DPY19L1: variants seen among roughly 807,000 people sequenced by gnomAD.
DPY19L1 encodes protein C-mannosyl-transferase DPY19L1.
In DPY19L1, 35 loss-of-function variants were observed where a neutral mutation model predicts 96.9. The ratio of observed to expected loss-of-function variants is 0.36; its 90% CI spans 0.28 to 0.48. The LOEUF is 0.48. Ranked by LOEUF, DPY19L1 falls within the 20% of genes least tolerant of loss-of-function variation. DPY19L1 has a pLI of 0.99. For synonymous variants in DPY19L1, 205 were observed against 252.6 expected, an observed-to-expected ratio of 0.81 and a Z score of 1.79; for missense variants, 521 against 777.9, an observed-to-expected ratio of 0.67 and a Z score of 3.93.
chr7:35,008,551 G>T (rs1785621410), intron 6 of DPY19L1, among the ~76,000 whole-genome samples: 1 of 152,192 alleles, frequency 6.6e-6, no homozygotes. Flanking sequence ...AAAGTAGCCA[G>T]GCATGGTGGC....
intron 13 of DPY19L1, among the ~76,000 whole-genome samples, chr7:34,953,674 C>T (rs1628197): frequency 0.48 from 73,612 of 151,854 alleles, 18,342 homozygotes; most frequent in Admixed American, 0.63. Flanking sequence ...GTATCTCTAG[C>T]ATACTTTCCA....
chr7:34,963,672 G>T (rs1784550603), intron 10 of DPY19L1, among the ~76,000 whole-genome samples: 1 of 149,216 alleles, frequency 6.7e-6, no homozygotes. Context: ...AGTATCCATG[G>T]ACAGATTGAA....
At chr7:34,939,974 C>A (rs529278011) in intron 19 of DPY19L1, among the ~76,000 whole-genome samples, 179 bp downstream of exon 19, 13 of 152,228 alleles carry the variant, frequency 8.5e-5, no homozygotes, top group African/African-American at 2.4e-4. Context: ...AACATTTCCC[C>A]TGCAAACCAT....
At chr7:34,959,513 A>T (rs1584218745) in intron 10 of DPY19L1, among the ~76,000 whole-genome samples, 1 of 152,318 alleles carries the variant, frequency 6.6e-6, no homozygotes, top group African/African-American at 2.4e-5. Flanking sequence ...GCACATATAC[A>T]CCATGGAATA....
intron 13 of DPY19L1, among the ~76,000 whole-genome samples, chr7:34,951,767 C>T (rs1784271534): frequency 6.6e-6 from 1 of 151,538 alleles, no homozygotes; most frequent in Non-Finnish European, 1.5e-5. Context: ...AAACAATAGA[C>T]CTCTAGAGCA....
intron 1 of DPY19L1, among the ~76,000 whole-genome samples, chr7:35,035,907 T>TA (rs61261735): frequency 0.21 from 29,109 of 140,912 alleles, 3,050 homozygotes; most frequent in Admixed American, 0.36. Context: ...GCTACTGAGA[T>TA]AAAAAAAAAG....
intron 7 of DPY19L1, among the ~76,000 whole-genome samples, chr7:34,989,665 A>G (rs1465910887): frequency 2.0e-5 from 3 of 151,948 alleles, no homozygotes; most frequent in Non-Finnish European, 4.4e-5. Flanking sequence ...AACAGAATTG[A>G]TACAGTTGAT....
intron 6 of DPY19L1, among the ~76,000 whole-genome samples, chr7:35,000,184 C>G (rs909458275): frequency 6.6e-6 from 1 of 152,150 alleles, no homozygotes; most frequent in Non-Finnish European, 1.5e-5. Context: ...CCAAAAAATA[C>G]TTCTAAGGAA....
At chr7:34,940,451 C>T in intron 18 of DPY19L1, 124 bp from the exon 19 acceptor site, 1 of 736,280 alleles carries the variant, frequency 1.4e-6, no homozygotes. Flanking sequence ...ATTAATTATC[C>T]TAAAGAAAAA....
At position 34,939,314 on chromosome 7, in the gene DPY19L1, G is replaced by A. The variant is rs377307859; in HGVS notation, c.1926C>T (p.Pro642=). Reference sequence around the variant, plus strand: ...CTTCATAATGTGGATGATTCACAATGGGCCGAAGTGCAGAGAGCTTAACAC... The same window carrying A: ...CTTCATAATGTGGATGATTCACAATAGGCCGAAGTGCAGAGAGCTTAACAC... ...MASVKLSALR[P]IVNHPHYEDA... is the part of the protein sequence containing the mutation. Residue 642 remains proline, a synonymous_variant, in exon 20 of 22, where the codon CCC becomes CCT. Transcript: ENST00000638088. 18 of 1,613,726 alleles carry A rather than the reference G, an allele frequency of 1.1e-5. No individual in the cohort carries two copies. In the African/African-American group the frequency reaches 1.9e-4, roughly 17 times the overall value.
chr7:34,967,231 T>C (rs1584225137), intron 9 of DPY19L1, among the ~76,000 whole-genome samples: 1 of 152,208 alleles, frequency 6.6e-6, no homozygotes, highest in East Asian at 1.9e-4. Flanking sequence ...AATACTCATT[T>C]TAACTTCAGG....
At position 35,017,938 on chromosome 7, in the gene DPY19L1, G is replaced by A. The variant is rs767708781; in HGVS notation, c.355C>T (p.Arg119Cys). ...AATGTTGAGAGGTGAGAAAAATGAC[G>A]GTCATTTTCAAAGAGGTGTGTTATA... The part of the protein sequence containing the change: ...SHITHLFEND[R>C]HFSHLSTLER... The change falls in exon 3 of 22, where the codon CGT (arginine) becomes TGT (cysteine). Residue 119 changes from arginine to cysteine, a missense_variant. Transcript: ENST00000638088. The A allele has an allele frequency of 1.5e-5, 24 of 1,604,502 alleles. No homozygotes were observed. Among genetic ancestry groups the A allele is most frequent in the Non-Finnish European group, 2.0e-5 (24 of 1,175,032 alleles).
chr7:34,970,563 A>G (rs1427022935), intron 8 of DPY19L1, among the ~76,000 whole-genome samples: 1 of 152,188 alleles, frequency 6.6e-6, no homozygotes, highest in Non-Finnish European at 1.5e-5. Flanking sequence ...GCAGTGTAAA[A>G]CTTATTTCTT....
At chr7:34,990,462 T>C (rs1584240767) in intron 6 of DPY19L1, among the ~76,000 whole-genome samples, 1 of 152,216 alleles carries the variant, frequency 6.6e-6, no homozygotes, top group Non-Finnish European at 1.5e-5. Flanking sequence ...ATTTTATATT[T>C]CCCAAATCCC....
chr7:34,967,819 C>A (rs1475696031), intron 9 of DPY19L1, among the ~76,000 whole-genome samples: 1 of 152,180 alleles, frequency 6.6e-6, no homozygotes, highest in Non-Finnish European at 1.5e-5. Context: ...CAATCTACAA[C>A]AAATTTTTCC....
intron 10 of DPY19L1, among the ~76,000 whole-genome samples, chr7:34,961,400 T>C (rs1357025628): frequency 2.0e-5 from 3 of 152,140 alleles, no homozygotes; most frequent in Non-Finnish European, 4.4e-5. Context: ...GGAGCAAAAA[T>C]AGTCCTTTCC....
At position 34,955,271 on chromosome 7, in the gene DPY19L1, A is replaced by G. The variant is rs762783408; in HGVS notation, c.1239+37T>C. The G allele has an allele frequency of 3.9e-6, 6 of 1,553,930 alleles. No homozygotes were observed. In the Admixed American group the frequency reaches 9.2e-5, roughly 24 times the overall value. On this transcript the variant is annotated intron_variant, in intron 12 of 21. Transcript: ENST00000638088. ...TAAAACCAATGATATATTTTAGAGAAGAAAAAACATAAGCATTAAAATAGA... is the reference window on the plus strand; with the variant it reads ...TAAAACCAATGATATATTTTAGAGAGGAAAAAACATAAGCATTAAAATAGA...
intron 6 of DPY19L1, among the ~76,000 whole-genome samples, chr7:35,006,169 A>G (rs1313460422): frequency 6.6e-6 from 1 of 152,208 alleles, no homozygotes; most frequent in Non-Finnish European, 1.5e-5. Context: ...TAAAATTTAT[A>G]ATAAACTTTA....
intron 1 of DPY19L1, among the ~76,000 whole-genome samples, chr7:35,022,760 A>G (rs941607116): frequency 1.3e-5 from 2 of 151,262 alleles, no homozygotes; most frequent in African/African-American, 4.8e-5. Flanking sequence ...AATTGAATAT[A>G]TTTTGATACA....
Sources: allele counts gnomAD v4.1 joint callset (sites outside exome capture counted in the v4.1 genomes callset), GRCh38; gene constraint gnomAD v4.1.1; transcripts MANE v1.5; gene names NCBI Gene and HGNC (gene_info 2026-07-23, HGNC 2026-07-21).